APBB1IP: variants seen among roughly 807,000 people sequenced by gnomAD.
APBB1IP encodes amyloid beta precursor protein binding family B member 1 interacting protein.
Under a neutral mutation model 64.9 loss-of-function variants are expected in APBB1IP, and 27 were observed. That is an observed-to-expected ratio of 0.42 (90% CI 0.31 to 0.57). The LOEUF (loss-of-function observed/expected upper bound fraction) is 0.57. Ranked by LOEUF, APBB1IP falls within the 20% of genes least tolerant of loss-of-function variation. The pLI is 0.20. For synonymous variants in APBB1IP, 392 were observed against 331.0 expected, an observed-to-expected ratio of 1.18 and a Z score of -2.00; for missense variants, 812 against 845.5, an observed-to-expected ratio of 0.96 and a Z score of 0.49.
At chr10:26,532,688 C>A (rs1210147714) in intron 8 of APBB1IP, among the ~76,000 whole-genome samples, 1 of 152,004 alleles carries the variant, frequency 6.6e-6, no homozygotes, top group Non-Finnish European at 1.5e-5. Context: ...CAGGGTCCTA[C>A]TATGTTGCCC....
chr10:26,533,455 A>G lies in APBB1IP; in HGVS notation c.830A>G (p.Asn277Ser), dbSNP rs1185990811. Reference protein sequence around the residue: ...FKNPQNFYLDNRGKKESKETN... With the variant: ...FKNPQNFYLDSRGKKESKETN... ...TTTATTTAGAATTTCTACTTGGATAACAGAGGAAAAAAAGAAAGCAAGGAA... is the reference window on the plus strand; with the variant it reads ...TTTATTTAGAATTTCTACTTGGATAGCAGAGGAAAAAAAGAAAGCAAGGAA... Residue 277 changes from asparagine to serine, a missense_variant, in exon 9 of 15, where the codon AAC (asparagine) becomes AGC (serine). Physicochemically the swap from Asn to Ser is conservative, Grantham distance 46. Transcript: ENST00000376236. 2 of 1,599,008 alleles carry G rather than the reference A, an allele frequency of 1.3e-6. No individual in the cohort carries two copies. Among genetic ancestry groups the G allele is most frequent in the Non-Finnish European group, 8.5e-7 (1 of 1,170,614 alleles).
chr10:26,502,985 A>T (rs1836125385), intron 5 of APBB1IP, among the ~76,000 whole-genome samples: 1 of 152,196 alleles, frequency 6.6e-6, no homozygotes, highest in Non-Finnish European at 1.5e-5. Flanking sequence ...TGAAAATTGA[A>T]CGTTTCAGGT....
chr10:26,484,070 C>A (rs1346344132), intron 2 of APBB1IP, among the ~76,000 whole-genome samples: 2 of 152,044 alleles, frequency 1.3e-5, no homozygotes, highest in East Asian at 1.9e-4. Context: ...GCTTAGACAA[C>A]CCGTGAGTTT....
At chr10:26,563,649 C>T (rs951221983) in intron 14 of APBB1IP, among the ~76,000 whole-genome samples, 1 of 152,164 alleles carries the variant, frequency 6.6e-6, no homozygotes, top group African/African-American at 2.4e-5. Flanking sequence ...TGATTCAAAA[C>T]AACCTTAAAT....
intron 8 of APBB1IP, among the ~76,000 whole-genome samples, chr10:26,529,251 C>T (rs61838873): frequency 0.063 from 9,632 of 152,314 alleles, 449 homozygotes; most frequent in Non-Finnish European, 0.093. Context: ...TACAGAACAG[C>T]CCGCATTGAG....
chr10:26,487,696 C>T (rs1835909413), intron 2 of APBB1IP, among the ~76,000 whole-genome samples: 1 of 152,110 alleles, frequency 6.6e-6, no homozygotes, highest in Admixed American at 6.6e-5. Flanking sequence ...CACTGTGGCA[C>T]GTCATTAACC....
At chr10:26,503,302 G>A in intron 6 of APBB1IP, 28 bp downstream of exon 6, 2 of 1,610,948 alleles carry the variant, frequency 1.2e-6, no homozygotes, top group Non-Finnish European at 1.7e-6. Context: ...TTTGCATGGG[G>A]GCAGTTCAAT....
rs140451660 is a variant in APBB1IP, at chr10:26,471,589, T to C, written c.1-20738T>C. Among the ~76,000 whole-genome samples the C allele has an allele frequency of 6.5e-3, 985 of 152,326 alleles. 4 individuals carry two copies. The highest frequency in any genetic ancestry group is 0.012 in the Non-Finnish European group (784 of 68,030). ...TTTCTATGGTATGGATCACCCAATG[T>C]ATTGTGGACATACAGACAGTCACAG... On this transcript the variant is annotated intron_variant, in intron 2 of 14. Transcript: ENST00000376236.
chr10:26,490,493 G>GC lies in APBB1IP; in HGVS notation c.1-1834_1-1833insC, dbSNP rs570904521. Among the ~76,000 whole-genome samples, 30 of 151,996 alleles carry GC rather than the reference G, an allele frequency of 2.0e-4. 1 individual carries two copies. The South Asian group carries it at 6.2e-3, about 32-fold the overall frequency. ...TACAAAAATTAACCAGGTGTGGTGG[G>GC]GCATGCCTGTAATTCCAGCTACTCA... On this transcript the variant is annotated intron_variant, in intron 2 of 14. Coordinates refer to ENST00000376236, the MANE Select transcript of APBB1IP (RefSeq NM_019043.4).
intron 11 of APBB1IP, among the ~76,000 whole-genome samples, chr10:26,553,428 G>T (rs866500139): frequency 8.5e-5 from 13 of 152,232 alleles, no homozygotes; most frequent in Admixed American, 4.6e-4. Context: ...GAGGCAGGGG[G>T]ATTGTTTGAA....
At chr10:26,456,559 A>G (rs184483645) in intron 2 of APBB1IP, among the ~76,000 whole-genome samples, 1 of 152,086 alleles carries the variant, frequency 6.6e-6, no homozygotes, top group East Asian at 1.9e-4. Flanking sequence ...TTTAAGAAGA[A>G]AACTCTGGTG....
chr10:26,542,483 C>T (rs915846786), intron 11 of APBB1IP, among the ~76,000 whole-genome samples: 6 of 152,176 alleles, frequency 3.9e-5, no homozygotes, highest in African/African-American at 1.4e-4. Context: ...ATTAGAATCT[C>T]AGATCAGTCT....
intron 11 of APBB1IP, among the ~76,000 whole-genome samples, chr10:26,545,804 G>T (rs1214955438): frequency 1.4e-5 from 2 of 147,878 alleles, no homozygotes; most frequent in African/African-American, 5.1e-5. Context: ...ACAAAAATTA[G>T]CTGGGCGTGG....
intron 2 of APBB1IP, among the ~76,000 whole-genome samples, chr10:26,450,064 A>T (rs1395693760): frequency 6.6e-6 from 1 of 152,140 alleles, no homozygotes; most frequent in Admixed American, 6.5e-5. Context: ...TATGGAAAGT[A>T]AAATTATGGA....
At chr10:26,498,808 C>CAT (rs1236655610) in intron 4 of APBB1IP, among the ~76,000 whole-genome samples, 1 of 152,206 alleles carries the variant, frequency 6.6e-6, no homozygotes, top group African/African-American at 2.4e-5. Flanking sequence ...ACACTCTTCT[C>CAT]ATTAAGGAAT....
chr10:26,538,534 G>A (rs1355221463), intron 10 of APBB1IP, among the ~76,000 whole-genome samples: 4 of 151,622 alleles, frequency 2.6e-5, no homozygotes, highest in African/African-American at 7.3e-5. Flanking sequence ...CCAGCTACTC[G>A]GGAGGCTGAG....
intron 2 of APBB1IP, among the ~76,000 whole-genome samples, chr10:26,477,497 G>A (rs754403839): frequency 6.6e-6 from 1 of 152,276 alleles, no homozygotes; most frequent in South Asian, 2.1e-4. Flanking sequence ...CTTTCACCTA[G>A]TGGTTTATTC....
chr10:26,465,219 A>G (rs1835634688), intron 2 of APBB1IP, among the ~76,000 whole-genome samples: 2 of 152,212 alleles, frequency 1.3e-5, no homozygotes, highest in Non-Finnish European at 2.9e-5. Flanking sequence ...AGTATTCATC[A>G]AAAAGAAATT....
At chr10:26,482,764 A>G (rs1458148494) in intron 2 of APBB1IP, among the ~76,000 whole-genome samples, 1 of 152,160 alleles carries the variant, frequency 6.6e-6, no homozygotes, top group African/African-American at 2.4e-5. Flanking sequence ...TTCCAGTTCT[A>G]TTTTAGTTTT....
Sources: allele counts gnomAD v4.1 joint callset (sites outside exome capture counted in the v4.1 genomes callset), GRCh38; gene constraint gnomAD v4.1.1; transcripts MANE v1.5; gene names NCBI Gene and HGNC (gene_info 2026-07-23, HGNC 2026-07-21).